Variants in TNFAIP8 observed in about 807,000 individuals in gnomAD.
The protein encoded by TNFAIP8 is TNF alpha induced protein 8, also known as tumor necrosis factor alpha-induced protein 8.
TNFAIP8 carries 7 observed loss-of-function variants against 13.3 expected under a neutral mutation model. The ratio of observed to expected loss-of-function variants is 0.52; its 90% CI spans 0.30 to 0.99. The LOEUF is 0.99. Ranked by LOEUF, TNFAIP8 falls within the 50% of genes least tolerant of loss-of-function variation. The pLI is 0.07. For synonymous variants in TNFAIP8, 94 were observed against 87.6 expected (o/e 1.07, Z -0.41); for missense variants, 258 against 236.9 (o/e 1.09, Z -0.58).
rs116199695 is a variant in TNFAIP8 at position 119,374,267 on chromosome 5, C to G, written c.31+18146C>G. ...CATCCTATATCCAAAAATTTGAAAT[C>G]TGAAATGCTCCAATGAGCATTTTGT... is the stretch of plus-strand genomic sequence containing the variant. On this transcript the variant is annotated intron_variant, in intron 1 of 1. Transcript: ENST00000504771. 2.1e-3 allele frequency among the ~76,000 whole-genome samples: 324 copies of G among 152,050 alleles called. 3 individuals are homozygous for G. The highest frequency in any genetic ancestry group is 7.5e-3 in the African/African-American group (313 of 41,466).
chr5:119,322,961 C>T (rs1029936161), intron 1 of TNFAIP8, among the ~76,000 whole-genome samples: 2 of 152,190 alleles, frequency 1.3e-5, no homozygotes, highest in Non-Finnish European at 2.9e-5. Flanking sequence ...CACTTTTCCC[C>T]TTAGTCAATG....
Position 119,294,994 on chromosome 5 carries a change from C to T in TNFAIP8, c.1+26087C>T, listed in dbSNP as rs188782689. On this transcript the variant is annotated intron_variant, in intron 1 of 1. Transcript: ENST00000274456. The stretch of plus-strand genomic sequence containing the variant: ...AATTTTCTCCCATTCTGTAGGTTGC[C>T]TGTTCACTCTAATGGTAGTTTCTTT... Among the ~76,000 whole-genome samples the T allele has an allele frequency of 8.5e-3, 1,290 of 151,988 alleles. 20 individuals are homozygous for T. The highest frequency in any genetic ancestry group is 0.05 in the South Asian group (239 of 4,792).
intron 1 of TNFAIP8, among the ~76,000 whole-genome samples, chr5:119,363,123 G>A (rs930511106): frequency 9.2e-5 from 14 of 152,314 alleles, no homozygotes; most frequent in African/African-American, 2.9e-4. Flanking sequence ...TAGCTCAAGA[G>A]GTAGGAAGAA....
At position 119,327,658 on chromosome 5, in the gene TNFAIP8, C is replaced by G. The variant is rs552820805; in HGVS notation, c.1+58751C>G. ...ATTTTTAGTAGATACGGGGTTTCAC[C>G]ATGTTGGCCAGGCTGGTCTCGAACT... On this transcript the variant is annotated intron_variant, in intron 1 of 1. Coordinates refer to the TNFAIP8 transcript ENST00000274456. Among the ~76,000 whole-genome samples, 3 of 152,216 alleles carry G rather than the reference C, an allele frequency of 2.0e-5. No individual in the cohort carries two copies. In the East Asian group the frequency reaches 5.8e-4, roughly 29 times the overall value.
intron 1 of TNFAIP8, among the ~76,000 whole-genome samples, chr5:119,277,771 A>G (rs1194585119): frequency 6.6e-6 from 1 of 152,332 alleles, no homozygotes; most frequent in South Asian, 2.1e-4. Context: ...TGGGAATTCA[A>G]GATCAGGGCA....
At chr5:119,340,611 T>C (rs1454816087) in intron 1 of TNFAIP8, among the ~76,000 whole-genome samples, 1 of 152,176 alleles carries the variant, frequency 6.6e-6, no homozygotes, top group Admixed American at 6.5e-5. Context: ...CTTTGAGCAT[T>C]AGCTTTCCGA....
intron 1 of TNFAIP8, among the ~76,000 whole-genome samples, chr5:119,303,771 C>T (rs1263441101): frequency 3.3e-5 from 5 of 152,206 alleles, no homozygotes; most frequent in Non-Finnish European, 7.3e-5. Context: ...TTCCCCTTCC[C>T]AGTTCTTTAG....
upstream of TNFAIP8, chr5:119,355,816 C>A: frequency 1.2e-6 from 1 of 849,706 alleles, no homozygotes; most frequent in Non-Finnish European, 1.5e-6. Flanking sequence ...GAGCCAGCCC[C>A]GCCAGGTCGC....
chr5:119,303,160 G>C (rs1435622001), intron 1 of TNFAIP8, among the ~76,000 whole-genome samples: 1 of 152,164 alleles, frequency 6.6e-6, no homozygotes, highest in African/African-American at 2.4e-5. Flanking sequence ...CAGCTATGCA[G>C]CCAGTGTAAA....
At chr5:119,295,300 T>G (rs934455211) in intron 1 of TNFAIP8, among the ~76,000 whole-genome samples, 8 of 150,172 alleles carry the variant, frequency 5.3e-5, no homozygotes, top group African/African-American at 2.0e-4. Context: ...TTGAATTAAT[T>G]TTTGTATAAG....
At chr5:119,322,508 G>A (rs1750091408) in intron 1 of TNFAIP8, among the ~76,000 whole-genome samples, 1 of 152,224 alleles carries the variant, frequency 6.6e-6, no homozygotes, top group South Asian at 2.1e-4. Flanking sequence ...CAGGCGTGGA[G>A]AAGTTGAGCA....
intron 1 of TNFAIP8, among the ~76,000 whole-genome samples, chr5:119,301,617 C>A (rs1424038841): frequency 6.6e-6 from 1 of 152,150 alleles, no homozygotes; most frequent in Non-Finnish European, 1.5e-5. Context: ...ACGAGGTAGG[C>A]CCTCAGGGAA....
At chr5:119,302,255 T>C (rs1490207133) in intron 1 of TNFAIP8, among the ~76,000 whole-genome samples, 1 of 152,240 alleles carries the variant, frequency 6.6e-6, no homozygotes, top group African/African-American at 2.4e-5. Context: ...CTTTATGAGA[T>C]AGAAGATCTG....
At chr5:119,309,702 A>C (rs937955090) in intron 1 of TNFAIP8, among the ~76,000 whole-genome samples, 2 of 152,216 alleles carry the variant, frequency 1.3e-5, no homozygotes, top group African/African-American at 4.8e-5. Context: ...CACTCACAAA[A>C]GACACATCAC....
intron 1 of TNFAIP8, among the ~76,000 whole-genome samples, chr5:119,295,721 A>G (rs1749155585): frequency 6.6e-6 from 1 of 152,180 alleles, no homozygotes; most frequent in Non-Finnish European, 1.5e-5. Context: ...TACCTTGGGC[A>G]GTATGGCCAT....
intron 1 of TNFAIP8, among the ~76,000 whole-genome samples, chr5:119,293,921 G>A (rs1169252753): frequency 6.6e-6 from 1 of 152,146 alleles, no homozygotes; most frequent in African/African-American, 2.4e-5. Flanking sequence ...CACTTGCAGC[G>A]CTTTACAGTG....
intron 1 of TNFAIP8, chr5:119,268,927 G>A (rs1290946380): frequency 2.9e-6 from 2 of 697,728 alleles, no homozygotes; most frequent in Non-Finnish European, 5.2e-6. Context: ...TCCTGGGCGC[G>A]CCCGTCCCGC....
At chr5:119,349,084 T>C (rs903803900) in intron 1 of TNFAIP8, among the ~76,000 whole-genome samples, 6 of 152,174 alleles carry the variant, frequency 3.9e-5, no homozygotes, top group African/African-American at 1.4e-4. Flanking sequence ...GAATCCCTTC[T>C]GTGGCCCCTC....
chr5:119,340,961 T>G (rs1440064389), intron 1 of TNFAIP8, among the ~76,000 whole-genome samples: 2 of 152,146 alleles, frequency 1.3e-5, no homozygotes, highest in Non-Finnish European at 2.9e-5. Context: ...CGGGGTATTG[T>G]GGGAGCGGTG....
Sources: allele counts gnomAD v4.1 joint callset (sites outside exome capture counted in the v4.1 genomes callset), GRCh38; gene constraint gnomAD v4.1.1; transcripts MANE v1.5; gene names NCBI Gene and HGNC (gene_info 2026-07-23, HGNC 2026-07-21).